The following CXCL16 variants were observed in gnomAD, a reference collection of about 807,000 sequenced individuals.
CXCL16 encodes C-X-C motif chemokine 16.
CXCL16 carries 18 observed loss-of-function variants against 23.8 expected under a neutral mutation model. That is an observed-to-expected ratio of 0.76 (90% CI 0.52 to 1.12). CXCL16 has a LOEUF of 1.12. Among genes scored for constraint, CXCL16 ranks in the 50% most tolerant of loss-of-function variants. The pLI, the probability that CXCL16 is intolerant of heterozygous loss-of-function variation, is 0.00. For synonymous variants in CXCL16, 123 were observed against 132.5 expected, an observed-to-expected ratio of 0.93 and a Z score of 0.49; for missense variants, 297 against 315.4, an observed-to-expected ratio of 0.94 and a Z score of 0.44.
intron 3 of CXCL16, among the ~76,000 whole-genome samples, chr17:4,736,958 C>G (rs779383648): frequency 6.6e-6 from 1 of 152,014 alleles, no homozygotes; most frequent in Non-Finnish European, 1.5e-5. Flanking sequence ...GCTGGAATTA[C>G]AGGCACATGC....
chr17:4,733,781 G>A lies in CXCL16; in HGVS notation c.*722C>T, dbSNP rs1439501908. 3.9e-5 allele frequency: 6 copies of A among 152,870 alleles called. No individual in the cohort carries two copies. Among genetic ancestry groups the A allele is most frequent in the African/African-American group, 1.4e-4 (6 of 41,426 alleles). The allele number at this position is 152,870 out of a possible 1,614,324, so 9.5% of individuals were successfully genotyped here. A position where few individuals can be genotyped will look rare whatever the true frequency, so the allele number is the denominator to read the frequency against. The stretch of plus-strand genomic sequence containing the variant: ...TGGGGGAGGAACAACTGGTGTACTG[G>A]GAGAGAGATTTGGGACGAGGGGGAA... On this transcript the variant is annotated 3_prime_UTR_variant, in exon 6 of 6. Coordinates refer to ENST00000293778, the MANE Select transcript of CXCL16 (RefSeq NM_001386809.1).
chr17:4,739,367 TG>T lies in CXCL16; in HGVS notation c.-29del. On this transcript the variant is annotated 5_prime_UTR_variant, in exon 1 of 6. Transcript: ENST00000293778. This position sits in a 1 kb window ranked among gnomAD's most constrained non-coding sequence, Gnocchi z 5.3. The stretch of plus-strand genomic sequence containing the variant: ...CGGGGCTCCGCGGACTCTGCGGGGA[TG>T]GAGCCACCTCGCTCTGACTCCCAGA... 1 of 1,612,870 alleles carries T rather than the reference TG, an allele frequency of 6.2e-7. No individual in the cohort carries two copies. Among genetic ancestry groups the T allele is most frequent in the Non-Finnish European group, 8.5e-7 (1 of 1,179,808 alleles).
chr17:4,735,330 C>T lies in CXCL16; in HGVS notation c.480G>A (p.Ser160=), dbSNP rs151239052. ...RPTLPVGSLS[S]DKELTRPNET... ...CATTGGGACGAGTGAGCTCTTTGTC[C>T]GAGGACAGTGATCCTACTGGGAGGG... is the stretch of plus-strand genomic sequence containing the variant. Residue 160 remains serine (S), a synonymous_variant, in exon 4 of 6, where the codon TCG becomes TCA. Transcript: ENST00000293778. 4,878 of 1,611,334 alleles carry T rather than the reference C, an allele frequency of 3.0e-3. 16 individuals are homozygous for T. Among genetic ancestry groups the T allele is most frequent in the Non-Finnish European group, 3.3e-3 (3,914 of 1,178,170 alleles).
intron 3 of CXCL16, among the ~76,000 whole-genome samples, chr17:4,737,559 C>T (rs1597499430): frequency 2.0e-5 from 2 of 99,740 alleles, no homozygotes; most frequent in South Asian, 7.0e-4. Flanking sequence ...GCCTGGGCGA[C>T]AGAGCAAGAC....
At chr17:4,735,537 A>T in intron 3 of CXCL16, 29 bp from the exon 4 acceptor site, 1 of 1,487,880 alleles carries the variant, frequency 6.7e-7, no homozygotes, top group South Asian at 1.4e-5. Flanking sequence ...AGGAATCAGG[A>T]CTATCAGGAG....
chr17:4,736,851 T>C (rs1916168175), intron 3 of CXCL16, among the ~76,000 whole-genome samples: 1 of 152,200 alleles, frequency 6.6e-6, no homozygotes, highest in South Asian at 2.1e-4. Flanking sequence ...CTTTCTTTTT[T>C]TTTGTTGCCC....
In CXCL16 at chr17:4,739,817, G is replaced by C; in HGVS notation, c.-478C>G. On this transcript the variant is annotated 5_prime_UTR_variant, in exon 1 of 6. Coordinates refer to ENST00000293778, the MANE Select transcript of CXCL16 (RefSeq NM_001386809.1). The surrounding 1 kb of genome is among the most constrained non-coding windows in gnomAD (Gnocchi z 5.3). ...CGAGGCACTTTCACTTCCCCGATCC[G>C]GGCGCCGCGGGACCCAGCCGCGCTG... 2.0e-6 allele frequency: 2 copies of C among 996,434 alleles called. No homozygotes were observed. The highest frequency in any genetic ancestry group is 4.3e-5 in the South Asian group (1 of 23,026). The allele number at this position is 996,434 out of a possible 1,614,324, so 61.7% of individuals were successfully genotyped here.
At position 4,738,074 on chromosome 17, in the gene CXCL16, G is replaced by C. The variant is rs60894000; in HGVS notation, c.301+334C>G. Among the ~76,000 whole-genome samples the C allele has an allele frequency of 0.49, 72,933 of 150,238 alleles. 18,540 individuals carry two copies. The highest frequency in any genetic ancestry group is 0.59 in the East Asian group (3,062 of 5,148). On this transcript the variant is annotated intron_variant, in intron 3 of 5. Transcript: ENST00000293778. This position sits in a 1 kb window ranked among gnomAD's most constrained non-coding sequence, Gnocchi z 4.0. Reference sequence around the variant, plus strand: ...GAACCTGGGAGGCAGAGGTTGCAGTGAGCCAAGATCGTGCCACTGCACTCC... The same window carrying C: ...GAACCTGGGAGGCAGAGGTTGCAGTCAGCCAAGATCGTGCCACTGCACTCC...
Position 4,739,065 on chromosome 17 carries a change from C to T in CXCL16, c.80-145G>A. On this transcript the variant is annotated intron_variant, in intron 1 of 5. Transcript: ENST00000293778. The surrounding 1 kb of genome is among the most constrained non-coding windows in gnomAD (Gnocchi z 5.3). The stretch of plus-strand genomic sequence containing the variant: ...CAGGCTCAACCCACACATCATCACG[C>T]CCCCGACAACATCCATAATCCCGCC... 2 of 1,191,606 alleles carry T rather than the reference C, an allele frequency of 1.7e-6. No homozygotes were observed. Among genetic ancestry groups the T allele is most frequent in the Non-Finnish European group, 2.3e-6 (2 of 860,026 alleles). The allele number at this position is 1,191,606 out of a possible 1,614,324, so 73.8% of individuals were successfully genotyped here. A position where few individuals can be genotyped will look rare whatever the true frequency, so the allele number is the denominator to read the frequency against.
Position 4,735,360 on chromosome 17 carries a change from G to A in CXCL16, c.450C>T (p.Arg150=), listed in dbSNP as rs769500271. 2 of 1,598,018 alleles carry A rather than the reference G, an allele frequency of 1.3e-6. No homozygotes were observed. The highest frequency in any genetic ancestry group is 1.7e-6 in the Non-Finnish European group (2 of 1,169,702). ...MLLSTLQSTQ[R]PTLPVGSLSS... is the part of the protein sequence containing the mutation. The stretch of plus-strand genomic sequence containing the variant: ...ACAGTGATCCTACTGGGAGGGTGGG[G>A]CGCTGAGTGGACTGCAAGGTGGACA... The change falls in exon 4 of 6, where the codon CGC becomes CGT. Residue 150 remains arginine, a synonymous_variant. Coordinates refer to ENST00000293778, the MANE Select transcript of CXCL16 (RefSeq NM_001386809.1).
chr17:4,739,895 G>T lies in CXCL16; in HGVS notation c.-556C>A. On this transcript the variant is annotated 5_prime_UTR_variant, in exon 1 of 6. Coordinates refer to ENST00000293778, the MANE Select transcript of CXCL16 (RefSeq NM_001386809.1). This position sits in a 1 kb window ranked among gnomAD's most constrained non-coding sequence, Gnocchi z 5.3. ...GAGAGTCGCCGCCAGCCCCGGCCGC[G>T]CGCACCTGCGGGGCAGCCACCCGCG... 1.0e-6 allele frequency: 1 copy of T among 985,526 alleles called. No individual in the cohort carries two copies. Among genetic ancestry groups the T allele is most frequent in the Non-Finnish European group, 1.2e-6 (1 of 830,154 alleles). The allele number at this position is 985,526 out of a possible 1,614,324, so 61.0% of individuals were successfully genotyped here. A position where few individuals can be genotyped will look rare whatever the true frequency, so the allele number is the denominator to read the frequency against.
At position 4,734,629 on chromosome 17, in the gene CXCL16, C is replaced by T. The variant is rs1916096801; in HGVS notation, c.742G>A (p.Val248Met). ...GCTCAGGTATTAGAGTCAGGTGCCA[C>T]AGGTATATAATGAACCGGCAGATCT... is the stretch of plus-strand genomic sequence containing the variant. ...SPDLPVHYIP[V>M]APDSNT Residue 248 changes from valine (V) to methionine (M), a missense_variant, in exon 5 of 6, where the codon GTG becomes ATG. Val to Met is a conservative substitution (Grantham distance 21). Coordinates refer to ENST00000293778, the MANE Select transcript of CXCL16 (RefSeq NM_001386809.1). The T allele has an allele frequency of 6.2e-7, 1 of 1,612,218 alleles. No individual in the cohort carries two copies. The highest frequency in any genetic ancestry group is 8.5e-7 in the Non-Finnish European group (1 of 1,178,362).
intron 4 of CXCL16, 39 bp from the exon 5 acceptor site, chr17:4,734,691 TCAAGG>T: frequency 1.3e-5 from 20 of 1,541,936 alleles, no homozygotes; most frequent in Non-Finnish European, 1.7e-5. Flanking sequence ...AGCTCTGAGA[TCAAGG>T]ACAGTGTTTG....
chr17:4,739,765 T>C lies in CXCL16; in HGVS notation c.-426A>G. On this transcript the variant is annotated 5_prime_UTR_variant, in exon 1 of 6. Coordinates refer to ENST00000293778, the MANE Select transcript of CXCL16 (RefSeq NM_001386809.1). This position sits in a 1 kb window ranked among gnomAD's most constrained non-coding sequence, Gnocchi z 5.3. ...CCCGTCCGCCGACCTGTGAGGCGGCTGCACTGCCGGACCGGCCCTCCTCCT... is the reference window on the plus strand; with the variant it reads ...CCCGTCCGCCGACCTGTGAGGCGGCCGCACTGCCGGACCGGCCCTCCTCCT... 1 of 1,053,742 alleles carries C rather than the reference T, an allele frequency of 9.5e-7. No individual in the cohort carries two copies. The highest frequency in any genetic ancestry group is 1.2e-6 in the Non-Finnish European group (1 of 868,914). The allele number at this position is 1,053,742 out of a possible 1,614,324, so 65.3% of individuals were successfully genotyped here. A position where few individuals can be genotyped will look rare whatever the true frequency, so the allele number is the denominator to read the frequency against.
At chr17:4,737,226 A>C (rs1487922009) in intron 3 of CXCL16, among the ~76,000 whole-genome samples, 2 of 152,166 alleles carry the variant, frequency 1.3e-5, no homozygotes, top group Non-Finnish European at 2.9e-5. Context: ...AACTCTACTT[A>C]ATATACATGC....
chr17:4,738,316 C>A lies in CXCL16; in HGVS notation c.301+92G>T. On this transcript the variant is annotated intron_variant, in intron 3 of 5. Coordinates refer to ENST00000293778, the MANE Select transcript of CXCL16 (RefSeq NM_001386809.1). The surrounding 1 kb of genome is among the most constrained non-coding windows in gnomAD (Gnocchi z 4.0). The stretch of plus-strand genomic sequence containing the variant: ...AGAAGAAGGTTCTAGGAATGTGCGG[C>A]CCCAGGGGAAAAGGCTCAGGTAAAG... 1.0e-6 allele frequency: 1 copy of A among 967,466 alleles called. No homozygotes were observed. Among genetic ancestry groups the A allele is most frequent in the Non-Finnish European group, 1.7e-6 (1 of 605,724 alleles). 59.9% of individuals were successfully genotyped at this position (967,466 alleles called of 1,614,324 possible). A position where few individuals can be genotyped will look rare whatever the true frequency, so the allele number is the denominator to read the frequency against.
Position 4,733,672 on chromosome 17 carries a change from C to T in CXCL16, c.*831G>A, listed in dbSNP as rs912755037. ...AGGTGAAACCAACCCGTATGGTGTC[C>T]CAGCACGGCACCTGCTAAGGAGGGA... On this transcript the variant is annotated 3_prime_UTR_variant, in exon 6 of 6. Transcript: ENST00000293778. The T allele has an allele frequency of 6.4e-6, 1 of 155,912 alleles. No individual in the cohort carries two copies. Among genetic ancestry groups the T allele is most frequent in the African/African-American group, 2.4e-5 (1 of 41,442 alleles). 9.7% of individuals were successfully genotyped at this position (155,912 alleles called of 1,614,324 possible).
At chr17:4,735,730 T>C (rs1310456000) in intron 3 of CXCL16, among the ~76,000 whole-genome samples, 1 of 151,864 alleles carries the variant, frequency 6.6e-6, no homozygotes, top group Non-Finnish European at 1.5e-5. Context: ...CCGAGAAAAG[T>C]GCATTTTTAT....
chr17:4,739,695 G>A lies in CXCL16; in HGVS notation c.-356C>T. 3 of 820,706 alleles carry A rather than the reference G, an allele frequency of 3.7e-6. No homozygotes were observed. Among genetic ancestry groups the A allele is most frequent in the African/African-American group, 1.8e-5 (1 of 54,514 alleles). 50.8% of individuals were successfully genotyped at this position (820,706 alleles called of 1,614,324 possible). On this transcript the variant is annotated 5_prime_UTR_variant, in exon 1 of 6. Transcript: ENST00000293778. The surrounding 1 kb of genome is among the most constrained non-coding windows in gnomAD (Gnocchi z 5.3). ...GGCGAGGAGGGGCGGGAGGACGACGGCCCGAGGAGCCGATTCGGTTCGGTT... is the reference window on the plus strand; with the variant it reads ...GGCGAGGAGGGGCGGGAGGACGACGACCCGAGGAGCCGATTCGGTTCGGTT...
Sources: allele counts gnomAD v4.1 joint callset (sites outside exome capture counted in the v4.1 genomes callset), GRCh38; gene constraint gnomAD v4.1.1; non-coding constraint Gnocchi (gnomAD v3.1); transcripts MANE v1.5; gene names NCBI Gene and HGNC (gene_info 2026-07-23, HGNC 2026-07-21).